Variants in PDE10A observed in about 807,000 individuals in gnomAD.
PDE10A encodes phosphodiesterase 10A.
PDE10A carries 39 observed loss-of-function variants against 97.7 expected under a neutral mutation model. That is an observed-to-expected ratio of 0.40 (90% CI 0.31 to 0.52). The LOEUF (loss-of-function observed/expected upper bound fraction) is 0.52. PDE10A is among the 20% of genes least tolerant of loss of function. PDE10A has a pLI of 0.56. For synonymous variants in PDE10A, 371 were observed against 376.8 expected (o/e 0.98, Z 0.18); for missense variants, 731 against 1,047.8 (o/e 0.70, Z 4.17).
At chr6:165,904,169 G>A (rs1175081046) in intron 1 of PDE10A, among the ~76,000 whole-genome samples, 1 of 152,176 alleles carries the variant, frequency 6.6e-6, no homozygotes, top group Non-Finnish European at 1.5e-5. Flanking sequence ...CAAATATAAA[G>A]GGAATAATTG....
chr6:165,797,124 C>T (rs1437944842), intron 1 of PDE10A, among the ~76,000 whole-genome samples: 1 of 152,180 alleles, frequency 6.6e-6, no homozygotes, highest in Non-Finnish European at 1.5e-5. Flanking sequence ...GTGGCTTAGT[C>T]ACATTCAGGC....
At position 165,719,035 on chromosome 6, in the gene PDE10A, G is replaced by A. The variant is rs150698955; in HGVS notation, c.-614-175467C>T. ...TATAGGGGTTTTGGAAATTGAAAAT[G>A]GAATATTACAAATTTTAAAAACCAA... On this transcript the variant is annotated intron_variant, in intron 1 of 19. Coordinates refer to the PDE10A transcript ENST00000366882. 1.7e-3 allele frequency among the ~76,000 whole-genome samples: 258 copies of A among 152,104 alleles called. 1 individual carries two copies. The highest frequency in any genetic ancestry group is 5.8e-3 in the African/African-American group (241 of 41,508).
chr6:165,983,965 A>C (rs1383531895), intron 1 of PDE10A, among the ~76,000 whole-genome samples: 1 of 152,234 alleles, frequency 6.6e-6, no homozygotes, highest in African/African-American at 2.4e-5. Context: ...CATCCACCAG[A>C]AATGCACAGA....
intron 2 of PDE10A, among the ~76,000 whole-genome samples, chr6:165,519,182 T>C (rs2128307249): frequency 6.6e-6 from 1 of 152,266 alleles, no homozygotes; most frequent in South Asian, 2.1e-4. Context: ...TAGAAGAAAC[T>C]GGATCCTCAA....
chr6:165,838,402 A>C (rs1027982644), intron 1 of PDE10A, among the ~76,000 whole-genome samples: 32 of 152,340 alleles, frequency 2.1e-4, no homozygotes, highest in African/African-American at 7.5e-4. Context: ...CCACTTTTTA[A>C]AAATTGAGAT....
At chr6:165,375,706 A>T (rs997777580) in intron 18 of PDE10A, among the ~76,000 whole-genome samples, 4 of 152,240 alleles carry the variant, frequency 2.6e-5, no homozygotes, top group Non-Finnish European at 5.9e-5. Context: ...CAAAGCTTCA[A>T]AGGATGAGCT....
intron 3 of PDE10A, among the ~76,000 whole-genome samples, chr6:165,472,561 A>G (rs189410463): frequency 2.0e-5 from 3 of 152,210 alleles, no homozygotes; most frequent in Admixed American, 1.3e-4. Context: ...ATAAATTTTA[A>G]TCTTATTCTG....
chr6:165,825,396 A>G (rs528617395), intron 1 of PDE10A, among the ~76,000 whole-genome samples: 6 of 152,202 alleles, frequency 3.9e-5, no homozygotes, highest in Middle Eastern at 3.4e-3. Flanking sequence ...CCGTTAAGTC[A>G]TCACTCATGC....
chr6:165,556,623 C>T (rs1784267794), intron 1 of PDE10A, among the ~76,000 whole-genome samples: 2 of 152,116 alleles, frequency 1.3e-5, no homozygotes, highest in Admixed American at 6.6e-5. Context: ...AAGTGCTGGA[C>T]AATAGCCATG....
intron 1 of PDE10A, among the ~76,000 whole-genome samples, chr6:165,770,865 C>T (rs1237668840): frequency 6.6e-6 from 1 of 152,202 alleles, no homozygotes; most frequent in Non-Finnish European, 1.5e-5. Flanking sequence ...CAGGTGCTCC[C>T]GGGGCCACCT....
chr6:165,750,013 C>T (rs1295267888), intron 1 of PDE10A, among the ~76,000 whole-genome samples: 1 of 152,166 alleles, frequency 6.6e-6, no homozygotes. Context: ...CTGGTCCTCA[C>T]TCACCTATTT....
At chr6:165,431,529 T>C (rs900208328) in intron 7 of PDE10A, 57 bp from the exon 8 acceptor site, 87 of 589,318 alleles carry the variant, frequency 1.5e-4, no homozygotes, top group Admixed American at 1.1e-3. Flanking sequence ...TATATATATA[T>C]ACTATATATA....
At chr6:165,606,825 G>A (rs78398330) in intron 1 of PDE10A, among the ~76,000 whole-genome samples, 5,536 of 152,176 alleles carry the variant, frequency 0.036, 330 homozygotes, top group African/African-American at 0.12. Context: ...TGCGTGCAGG[G>A]GCTTAGGTGG....
At chr6:165,987,976 CGTGTGT>C (rs149079607), upstream of PDE10A, 28 of 367,114 alleles carry the variant, frequency 7.6e-5, no homozygotes, top group African/African-American at 3.2e-4. Context: ...TGTGTGCGTG[CGTGTGT>C]GTGTGTGTGT....
intron 1 of PDE10A, among the ~76,000 whole-genome samples, chr6:165,702,023 C>T (rs966322352): frequency 5.9e-5 from 9 of 152,100 alleles, no homozygotes; most frequent in Admixed American, 3.9e-4. Context: ...GTGGGGAGGG[C>T]AGGAAGATGT....
At chr6:165,529,421 C>T (rs1782641863) in intron 2 of PDE10A, among the ~76,000 whole-genome samples, 1 of 152,128 alleles carries the variant, frequency 6.6e-6, no homozygotes, top group African/African-American at 2.4e-5. Context: ...GGTCCAGACC[C>T]CTCAGGAATG....
intron 1 of PDE10A, among the ~76,000 whole-genome samples, chr6:165,877,721 C>T (rs1411375112): frequency 6.6e-6 from 1 of 151,690 alleles, no homozygotes; most frequent in African/African-American, 2.4e-5. Context: ...GCCTACTCTA[C>T]CTCTTCACAA....
intron 1 of PDE10A, among the ~76,000 whole-genome samples, chr6:165,943,310 G>A (rs369314542): frequency 0.02 from 1,079 of 54,218 alleles, 73 homozygotes; most frequent in African/African-American, 0.045. Flanking sequence ...AAAGAAAGAA[G>A]GAAGGAAGGA....
At chr6:165,632,011 A>C (rs1788652750) in intron 1 of PDE10A, among the ~76,000 whole-genome samples, 1 of 151,424 alleles carries the variant, frequency 6.6e-6, no homozygotes, top group Non-Finnish European at 1.5e-5. Flanking sequence ...GACCAGCCTG[A>C]CCAACATGGT....
Sources: allele counts gnomAD v4.1 joint callset (sites outside exome capture counted in the v4.1 genomes callset), GRCh38; gene constraint gnomAD v4.1.1; transcripts MANE v1.5; gene names NCBI Gene and HGNC (gene_info 2026-07-23, HGNC 2026-07-21).